The following GALNT2 variants were observed in gnomAD, a reference collection of about 807,000 sequenced individuals.
GALNT2 encodes the protein UDP-GalNAc:polypeptide N-acetylgalactosaminyltransferase 2.
A neutral mutation model predicts 81.4 loss-of-function variants in GALNT2; 31 were observed. The observed-to-expected ratio is 0.38, with a 90% CI of 0.29 to 0.51. GALNT2 has a LOEUF of 0.51. Ranked by LOEUF, GALNT2 falls within the 20% of genes least tolerant of loss-of-function variation. The pLI is 0.87. For synonymous variants in GALNT2, 303 were observed against 287.4 expected, an observed-to-expected ratio of 1.05 and a Z score of -0.55; for missense variants, 629 against 765.7, an observed-to-expected ratio of 0.82 and a Z score of 2.11.
chr1:230,214,895 G>A (rs1048479708), intron 3 of GALNT2, among the ~76,000 whole-genome samples: 6 of 152,106 alleles, frequency 3.9e-5, no homozygotes, highest in African/African-American at 1.4e-4. Context: ...CCTCTGCTCT[G>A]TCTAGTCTGC....
chr1:230,081,084 C>T (rs561300631), intron 1 of GALNT2, among the ~76,000 whole-genome samples: 23 of 152,158 alleles, frequency 1.5e-4, no homozygotes, highest in Non-Finnish European at 2.9e-4. Context: ...TCCTCGAAAG[C>T]GCCTCCAGCC....
Position 230,122,590 on chromosome 1 carries a change from G to A in GALNT2, c.126+55184G>A, listed in dbSNP as rs139851318. Among the ~76,000 whole-genome samples, 261 of 151,926 alleles carry A rather than the reference G, an allele frequency of 1.7e-3. 2 individuals carry two copies. Among genetic ancestry groups the A allele is most frequent in the African/African-American group, 5.9e-3 (245 of 41,470 alleles). ...AACCAGAAAACCACAGTGGATCAGC[G>A]TGCAGGAATGCATAAGGGTGGCTCT... On this transcript the variant is annotated intron_variant, in intron 1 of 15. Transcript: ENST00000366672.
chr1:230,175,617 T>TCCTCCC (rs1662952585), intron 1 of GALNT2, among the ~76,000 whole-genome samples: 1 of 91,226 alleles, frequency 1.1e-5, no homozygotes, highest in African/African-American at 4.0e-5. Flanking sequence ...CTCCTCCCCC[T>TCCTCCC]CCCTCTCCCC....
rs975822828 is a variant in GALNT2 at position 230,257,282 on chromosome 1, A to G, written c.1136+1938A>G. Among the ~76,000 whole-genome samples, 1 of 152,212 alleles carries G rather than the reference A, an allele frequency of 6.6e-6. No homozygotes were observed. Among genetic ancestry groups the G allele is most frequent in the East Asian group, 1.9e-4 (1 of 5,198 alleles). On this transcript the variant is annotated intron_variant, in intron 11 of 15. Coordinates refer to ENST00000366672, the MANE Select transcript of GALNT2 (RefSeq NM_004481.5). The surrounding 1 kb of genome is among the most constrained non-coding windows in gnomAD (Gnocchi z 4.6). ...CAGGTGGTGACCCTATGGTGAAACA[A>G]TGGTACGAGTGCCCCCTCCACTCTT...
intron 1 of GALNT2, among the ~76,000 whole-genome samples, chr1:230,107,299 G>T (rs1660570945): frequency 6.6e-6 from 1 of 152,232 alleles, no homozygotes. Context: ...GCCAGGGACA[G>T]TGGCTCATGC....
chr1:230,113,036 T>A (rs1660748942), intron 1 of GALNT2, among the ~76,000 whole-genome samples: 1 of 152,170 alleles, frequency 6.6e-6, no homozygotes, highest in Non-Finnish European at 1.5e-5. Flanking sequence ...CTGTGTGCCC[T>A]CTTGCATGTG....
rs61825390 is a variant in GALNT2 at position 230,103,882 on chromosome 1, G to A, written c.126+36476G>A. On this transcript the variant is annotated intron_variant, in intron 1 of 15. Transcript: ENST00000366672. ...TCCCCTTCTCCTAGTCATTTACTCC[G>A]TGAGAGCTGCTCCTACCTGACCTTC... Among the ~76,000 whole-genome samples, 1,248 of 150,668 alleles carry A rather than the reference G, an allele frequency of 8.3e-3. 8 individuals carry two copies. The highest frequency in any genetic ancestry group is 0.013 in the Non-Finnish European group (875 of 68,006).
intron 1 of GALNT2, among the ~76,000 whole-genome samples, chr1:230,077,864 C>T (rs914730142): frequency 5.3e-5 from 8 of 152,226 alleles, no homozygotes; most frequent in African/African-American, 1.9e-4. Context: ...TGCCTAACTC[C>T]TCAATTCACC....
chr1:230,124,728 T>C (rs1445754293), intron 1 of GALNT2, among the ~76,000 whole-genome samples: 1 of 152,190 alleles, frequency 6.6e-6, no homozygotes, highest in Non-Finnish European at 1.5e-5. Context: ...CCTGAGTCCT[T>C]CTCATGAATT....
intron 11 of GALNT2, chr1:230,259,584 A>G (rs1196764894): frequency 6.6e-6 from 1 of 152,228 alleles, no homozygotes; most frequent in Non-Finnish European, 1.5e-5. Flanking sequence ...TTCAGAGGCT[A>G]GGGTTTTTCA....
chr1:230,230,967 G>T (rs989242406), intron 3 of GALNT2, among the ~76,000 whole-genome samples: 2 of 152,128 alleles, frequency 1.3e-5, no homozygotes, highest in African/African-American at 4.8e-5. Flanking sequence ...TTCTTAAAGA[G>T]AGTTTATTTA....
intron 3 of GALNT2, among the ~76,000 whole-genome samples, chr1:230,226,943 T>G (rs576715900): frequency 1.3e-5 from 2 of 152,142 alleles, no homozygotes; most frequent in African/African-American, 4.8e-5. Context: ...ATTAATGAAC[T>G]AAAAATCCAG....
chr1:230,184,232 A>T (rs1341196627), intron 2 of GALNT2, among the ~76,000 whole-genome samples: 1 of 146,734 alleles, frequency 6.8e-6, no homozygotes, highest in Non-Finnish European at 1.5e-5. Flanking sequence ...TCTATTACCC[A>T]GGCTAGAGTG....
At chr1:230,182,243 A>G (rs566967151) in intron 2 of GALNT2, among the ~76,000 whole-genome samples, 10 of 151,022 alleles carry the variant, frequency 6.6e-5, no homozygotes, top group Admixed American at 2.6e-4. Flanking sequence ...GATTTCTGTA[A>G]TAATTTTTAG....
chr1:230,100,858 A>G (rs1177271445), intron 1 of GALNT2, among the ~76,000 whole-genome samples: 6 of 123,852 alleles, frequency 4.8e-5, no homozygotes, highest in African/African-American at 1.5e-4. Flanking sequence ...TAGGAAGTGT[A>G]TGGGAAATAT....
At chr1:230,159,845 G>A (rs1249491535) in intron 1 of GALNT2, among the ~76,000 whole-genome samples, 1 of 152,220 alleles carries the variant, frequency 6.6e-6, no homozygotes, top group African/African-American at 2.4e-5. Flanking sequence ...TGGACCTGTT[G>A]GAAGTGCCAG....
intron 1 of GALNT2, among the ~76,000 whole-genome samples, chr1:230,088,051 T>C (rs1052357878): frequency 6.6e-6 from 1 of 152,228 alleles, no homozygotes; most frequent in Non-Finnish European, 1.5e-5. Flanking sequence ...TCCTGGATTC[T>C]ATTTTTCCAT....
chr1:230,147,456 C>T (rs1176030884), intron 1 of GALNT2, among the ~76,000 whole-genome samples: 1 of 152,236 alleles, frequency 6.6e-6, no homozygotes, highest in East Asian at 1.9e-4. Flanking sequence ...GCCCCTGCCA[C>T]GGGACTGCTG....
chr1:230,112,809 C>T (rs1323787479), intron 1 of GALNT2, among the ~76,000 whole-genome samples: 1 of 151,558 alleles, frequency 6.6e-6, no homozygotes, highest in African/African-American at 2.4e-5. Flanking sequence ...GTGGGGGGGA[C>T]CAGGCCTGGC....
Sources: allele counts gnomAD v4.1 joint callset (sites outside exome capture counted in the v4.1 genomes callset), GRCh38; gene constraint gnomAD v4.1.1; non-coding constraint Gnocchi (gnomAD v3.1); transcripts MANE v1.5; gene names NCBI Gene and HGNC (gene_info 2026-07-23, HGNC 2026-07-21).